The following NEK10 variants were observed in gnomAD, a reference collection of about 807,000 sequenced individuals.
NEK10 encodes the protein NIMA related kinase 10.
In NEK10, 122 loss-of-function variants were observed where a neutral mutation model predicts 159.8. The ratio of observed to expected loss-of-function variants is 0.76; its 90% CI spans 0.66 to 0.89. The LOEUF is 0.89. Ranked by LOEUF, NEK10 falls within the 40% of genes least tolerant of loss-of-function variation. The pLI is 0.00. For missense variants in NEK10, 1,342 were observed against 1,323.1 expected, an observed-to-expected ratio of 1.01 and a Z score of -0.22; for synonymous variants, 466 against 457.1, an observed-to-expected ratio of 1.02 and a Z score of -0.25.
chr3:27,245,191 A>T (rs912713907), intron 23 of NEK10, among the ~76,000 whole-genome samples: 3 of 152,210 alleles, frequency 2.0e-5, no homozygotes, highest in African/African-American at 7.2e-5. Context: ...GTTAGTGTTT[A>T]AAATAGACTA....
chr3:27,309,089 T>C, intron 9 of NEK10, 84 bp from the exon 10 acceptor site: 1 of 693,826 alleles, frequency 1.4e-6, no homozygotes, highest in Non-Finnish European at 2.5e-6. Context: ...TATTTTCCAT[T>C]ACCAGCTGCT....
chr3:27,202,643 T>C (rs1311774089), intron 23 of NEK10, 86 bp from the exon 24 acceptor site: 2 of 1,356,546 alleles, frequency 1.5e-6, no homozygotes, highest in Non-Finnish European at 1.9e-6. Flanking sequence ...ATTGGAGTTA[T>C]TTTTTAAGTA....
intron 3 of NEK10, among the ~76,000 whole-genome samples, chr3:27,351,026 A>G (rs966669139): frequency 2.0e-5 from 3 of 152,150 alleles, no homozygotes; most frequent in Admixed American, 6.6e-5. Flanking sequence ...CTTGTCAGGA[A>G]ATAAGACACG....
intron 4 of NEK10, among the ~76,000 whole-genome samples, chr3:27,344,748 G>A (rs781181790): frequency 5.9e-5 from 9 of 152,184 alleles, no homozygotes; most frequent in Non-Finnish European, 1.3e-4. Context: ...CTGTGTAACA[G>A]GAAGAGAAGA....
intron 22 of NEK10, among the ~76,000 whole-genome samples, chr3:27,279,638 G>T (rs910682573): frequency 6.6e-6 from 1 of 152,218 alleles, no homozygotes; most frequent in South Asian, 2.1e-4. Context: ...AATCTCTGTG[G>T]ATTATCTTTT....
rs1483739981 is a variant in NEK10 at position 27,109,030 on chromosome 3, C to T, written c.*2242G>A. On this transcript the variant is annotated 3_prime_UTR_variant, in exon 36 of 36. Coordinates refer to ENST00000691995, the MANE Select transcript of NEK10 (RefSeq NM_001394966.1). ...TGTTAAAAAGGACAGCTTCTGCTTA[C>T]TTAACTTTCACTGACTTCTAGCATA... is the stretch of plus-strand genomic sequence containing the variant. Among the ~76,000 whole-genome samples, 1 of 152,222 alleles carries T rather than the reference C, an allele frequency of 6.6e-6. No individual in the cohort carries two copies. Among genetic ancestry groups the T allele is most frequent in the African/African-American group, 2.4e-5 (1 of 41,456 alleles).
In NEK10 at chr3:27,295,798, G is replaced by A. The variant is rs995057769; in HGVS notation, c.1231-108C>T. The A allele has an allele frequency of 1.1e-5, 15 of 1,352,064 alleles. No homozygotes were observed. The South Asian group carries it at 2.4e-4, about 21-fold the overall frequency. 83.8% of individuals were successfully genotyped at this position (1,352,064 alleles called of 1,614,324 possible). ...CATTAATATCAAAGAAGAAATATTAGTATAACTATGGACCTTGAAGTAAAC... is the reference window on the plus strand; with the variant it reads ...CATTAATATCAAAGAAGAAATATTAATATAACTATGGACCTTGAAGTAAAC... On this transcript the variant is annotated intron_variant, in intron 14 of 35. Coordinates refer to ENST00000691995, the MANE Select transcript of NEK10 (RefSeq NM_001394966.1).
chr3:27,193,600 ATTTTTTTTT>A (rs141331589), intron 25 of NEK10, among the ~76,000 whole-genome samples: 5 of 55,082 alleles, frequency 9.1e-5, no homozygotes, highest in East Asian at 1.5e-3. Context: ...CATATGCTTG[ATTTTTTTTT>A]TTTTTTTTTT....
At chr3:27,291,224 T>C (rs2042970424) in intron 18 of NEK10, 38 bp downstream of exon 18, 2 of 1,595,664 alleles carry the variant, frequency 1.3e-6, no homozygotes, top group Non-Finnish European at 1.7e-6. Flanking sequence ...TCCGGTTTGG[T>C]TGGGAGTATC....
intron 5 of NEK10, among the ~76,000 whole-genome samples, chr3:27,331,262 A>AAACAC: frequency 4.5e-5 from 5 of 110,072 alleles, no homozygotes; most frequent in Non-Finnish European, 5.9e-5. Context: ...AAAAAAAAAA[A>AAACAC]ACACACAAAC....
chr3:27,174,810 C>A lies in NEK10; in HGVS notation c.2529G>T (p.Leu843Phe), dbSNP rs142519574. 1.9e-5 allele frequency: 31 copies of A among 1,598,136 alleles called. No individual in the cohort carries two copies. Among genetic ancestry groups the A allele is most frequent in the Non-Finnish European group, 2.6e-5 (30 of 1,174,862 alleles). The change falls in exon 27 of 36, where the codon TTG (leucine) becomes TTT (phenylalanine). Residue 843 changes from leucine (L) to phenylalanine (F), a missense_variant. By Grantham distance (22) the Leu-to-Phe change is conservative. Transcript: ENST00000691995. ...LSHETFEKASLSSSSSGAASL... is the reference protein window; with the variant it reads ...LSHETFEKASFSSSSSGAASL... Reference sequence around the variant, plus strand: ...TGGCTGCTCCACTGCTGCTGCTACTCAAACTTGCCTTCTCAAAGGTCTCCT... The same window carrying A: ...TGGCTGCTCCACTGCTGCTGCTACTAAAACTTGCCTTCTCAAAGGTCTCCT...
At chr3:27,275,165 G>T (rs984462795) in intron 22 of NEK10, among the ~76,000 whole-genome samples, 7 of 152,092 alleles carry the variant, frequency 4.6e-5, no homozygotes, top group Admixed American at 3.3e-4. Flanking sequence ...CAATTGTCAG[G>T]GTTGGAAACT....
intron 23 of NEK10, among the ~76,000 whole-genome samples, chr3:27,243,741 A>T (rs11925748): frequency 0.23 from 35,344 of 151,714 alleles, 4,479 homozygotes; most frequent in Middle Eastern, 0.37. Context: ...TCCCTGTTCT[A>T]CCCTACTTTC....
chr3:27,305,326 T>C (rs1020093235), intron 11 of NEK10, among the ~76,000 whole-genome samples: 1 of 152,204 alleles, frequency 6.6e-6, no homozygotes, highest in African/African-American at 2.4e-5. Context: ...TTCTAAATTA[T>C]AGGCTCGTTG....
intron 35 of NEK10, among the ~76,000 whole-genome samples, chr3:27,111,675 T>C (rs1047635323): frequency 4.1e-5 from 6 of 146,180 alleles, no homozygotes; most frequent in Non-Finnish European, 7.3e-5. Context: ...TGATTCAATG[T>C]AGATTTGTTA....
chr3:27,285,086 T>C, intron 20 of NEK10, 125 bp from the exon 21 acceptor site: 1 of 705,728 alleles, frequency 1.4e-6, no homozygotes, highest in Non-Finnish European at 2.3e-6. Flanking sequence ...GAATTAGGGA[T>C]GATGTGCTAA....
intron 23 of NEK10, among the ~76,000 whole-genome samples, chr3:27,208,854 T>C (rs999752473): frequency 6.6e-6 from 1 of 152,234 alleles, no homozygotes; most frequent in Non-Finnish European, 1.5e-5. Flanking sequence ...TCTATAAGCC[T>C]GGCATCACGG....
Position 27,218,900 on chromosome 3 carries a change from G to A in NEK10, c.2091-16343C>T, listed in dbSNP as rs535189765. Among the ~76,000 whole-genome samples, 11 of 152,236 alleles carry A rather than the reference G, an allele frequency of 7.2e-5. 1 individual carries two copies. Among genetic ancestry groups the A allele is most frequent in the Admixed American group, 5.2e-4 (8 of 15,290 alleles). On this transcript the variant is annotated intron_variant, in intron 23 of 35. Transcript: ENST00000691995. ...ATTCTCAGGTAACATTGTGCTTCAC[G>A]GTAAAGACCAACAGCTTCCACTCAG...
At chr3:27,206,261 G>GCTTC (rs1199817926) in intron 23 of NEK10, among the ~76,000 whole-genome samples, 1 of 152,172 alleles carries the variant, frequency 6.6e-6, no homozygotes, top group East Asian at 1.9e-4. Context: ...ACTAGTAGAA[G>GCTTC]TACTAGTCAC....
Sources: allele counts gnomAD v4.1 joint callset (sites outside exome capture counted in the v4.1 genomes callset), GRCh38; gene constraint gnomAD v4.1.1; transcripts MANE v1.5; gene names NCBI Gene and HGNC (gene_info 2026-07-23, HGNC 2026-07-21).